The following ARFGEF3 variants were observed in gnomAD, a reference collection of about 807,000 sequenced individuals.
The protein encoded by ARFGEF3 is ARFGEF family member 3.
ARFGEF3 carries 96 observed loss-of-function variants against 221.7 expected under a neutral mutation model. That is an observed-to-expected ratio of 0.43 (90% confidence interval 0.37 to 0.51). ARFGEF3 has a LOEUF of 0.51. Ranked by LOEUF, ARFGEF3 falls within the 20% of genes least tolerant of loss-of-function variation. The probability of loss-of-function intolerance (pLI) is 0.00; values close to 1 mark genes in which losing one functional copy is unlikely to be tolerated. For synonymous variants in ARFGEF3, 1,145 were observed against 1,126.8 expected (o/e 1.02, Z -0.32); for missense variants, 2,410 against 2,789.9 (o/e 0.86, Z 3.07).
At chr6:138,303,860 CAAA>C (rs140349507) in intron 22 of ARFGEF3, among the ~76,000 whole-genome samples, 1,705 of 20,528 alleles carry the variant, frequency 0.083, 41 homozygotes, top group African/African-American at 0.24. Context: ...GACTCCGTCT[CAAA>C]AAAAAAAAAA....
At chr6:138,222,037 G>A (rs996050252) in intron 4 of ARFGEF3, among the ~76,000 whole-genome samples, 2 of 152,166 alleles carry the variant, frequency 1.3e-5, no homozygotes, top group Non-Finnish European at 2.9e-5. Context: ...GCTACTTGTT[G>A]TGACCTCTAA....
rs573406869 is a variant in ARFGEF3 at position 138,165,255 on chromosome 6, C to T, written c.85+3084C>T. On this transcript the variant is annotated intron_variant, in intron 1 of 33. Coordinates refer to ENST00000251691, the MANE Select transcript of ARFGEF3 (RefSeq NM_020340.5). ...CCTCATGGGAGAGAGGGGATATCCC[C>T]CTCTGAGACCCTCATGGGAGAGAGA... 2.6e-5 allele frequency among the ~76,000 whole-genome samples: 4 copies of T among 151,696 alleles called. No homozygotes were observed. The East Asian group carries it at 7.8e-4, about 30-fold the overall frequency.
At chr6:138,217,796 G>T in intron 4 of ARFGEF3, 2 of 797,992 alleles carry the variant, frequency 2.5e-6, no homozygotes, top group Non-Finnish European at 3.6e-6. Flanking sequence ...ATGAGTTCAA[G>T]ATTGAGAAAG....
chr6:138,287,230 A>AC, intron 17 of ARFGEF3, 46 bp downstream of exon 17: 27 of 1,396,162 alleles, frequency 1.9e-5, no homozygotes, highest in Non-Finnish European at 2.5e-5. Context: ...TGGGTGCAGT[A>AC]TGCACACACC....
intron 6 of ARFGEF3, 57 bp downstream of exon 6, chr6:138,238,688 T>A: frequency 6.3e-7 from 1 of 1,581,558 alleles, no homozygotes; most frequent in Non-Finnish European, 8.6e-7. Context: ...GTGTATCCCA[T>A]GCCCCGGGGC....
At chr6:138,333,598 A>C (rs1023061484) in intron 32 of ARFGEF3, among the ~76,000 whole-genome samples, 1 of 152,054 alleles carries the variant, frequency 6.6e-6, no homozygotes, top group Non-Finnish European at 1.5e-5. Flanking sequence ...GCCCGCCACC[A>C]TGCCCGGCTA....
chr6:138,339,374 TTCTC>T lies in ARFGEF3; in HGVS notation c.*2891_*2894del, dbSNP rs1338197401. ...CCCAGTCTCTGAAAGTGTCAGGTGT[TTCTC>T]TCCTCACAGTCTCTTTTGCAGCAAC... On this transcript the variant is annotated 3_prime_UTR_variant, in exon 34 of 34. Transcript: ENST00000251691. 2 of 152,284 alleles carry T rather than the reference TTCTC, an allele frequency of 1.3e-5. No homozygotes were observed. Among genetic ancestry groups the T allele is most frequent in the Non-Finnish European group, 2.9e-5 (2 of 68,088 alleles). The allele number at this position is 152,284 out of a possible 1,614,324, so 9.4% of individuals were successfully genotyped here. A position where few individuals can be genotyped will look rare whatever the true frequency, so the allele number is the denominator to read the frequency against.
chr6:138,197,230 A>G (rs1777445424), intron 2 of ARFGEF3, among the ~76,000 whole-genome samples: 1 of 152,202 alleles, frequency 6.6e-6, no homozygotes, highest in Non-Finnish European at 1.5e-5. Flanking sequence ...CATCAATGTC[A>G]CTGTCTTCCA....
At chr6:138,307,009 C>T (rs1025568723) in intron 22 of ARFGEF3, among the ~76,000 whole-genome samples, 1 of 121,034 alleles carries the variant, frequency 8.3e-6, no homozygotes, top group Non-Finnish European at 1.8e-5. Flanking sequence ...TTTTTAAAAA[C>T]AACAAAATAT....
At chr6:138,308,988 G>A in intron 24 of ARFGEF3, 127 bp downstream of exon 24, 1 of 1,154,496 alleles carries the variant, frequency 8.7e-7, no homozygotes, top group Non-Finnish European at 1.2e-6. Flanking sequence ...AGCAGATGGT[G>A]GTGTTGTGTA....
intron 2 of ARFGEF3, among the ~76,000 whole-genome samples, chr6:138,182,921 A>G (rs1777106946): frequency 1.3e-5 from 2 of 152,240 alleles, no homozygotes; most frequent in Non-Finnish European, 2.9e-5. Context: ...AATGAACTCC[A>G]GAGAGAATTG....
chr6:138,310,133 A>C (rs554040815), intron 24 of ARFGEF3, among the ~76,000 whole-genome samples: 1 of 152,192 alleles, frequency 6.6e-6, no homozygotes, highest in Non-Finnish European at 1.5e-5. Context: ...TTGTATAGTC[A>C]TGGTGCCTGT....
Position 138,317,293 on chromosome 6 carries a change from C to A in ARFGEF3, c.4388C>A (p.Ala1463Glu). ...VWIILLEQLT[A>E]AVSNCPRQHQ... ...ATAATCCTGCTGGAGCAGCTGACAGCGGCTGTGTCCAATTGTCCACGGCAG... is the reference window on the plus strand; with the variant it reads ...ATAATCCTGCTGGAGCAGCTGACAGAGGCTGTGTCCAATTGTCCACGGCAG... Residue 1463 changes from alanine (A) to glutamate (E), a missense_variant, in exon 27 of 34, where the codon GCG (alanine) becomes GAG (glutamate). Around this residue, in one of 5 missense-constraint regions of ARFGEF3, gnomAD observed 723 missense variants for 991.9 expected, o/e 0.73. Coordinates refer to ENST00000251691, the MANE Select transcript of ARFGEF3 (RefSeq NM_020340.5). 6.2e-7 allele frequency: 1 copy of A among 1,613,884 alleles called. No homozygotes were observed. The highest frequency in any genetic ancestry group is 1.1e-5 in the South Asian group (1 of 91,056).
intron 31 of ARFGEF3, among the ~76,000 whole-genome samples, chr6:138,326,697 T>C (rs1019865144): frequency 1.3e-5 from 2 of 152,136 alleles, no homozygotes; most frequent in Admixed American, 6.5e-5. Context: ...TGGAAGACAG[T>C]GTGGTGATTC....
chr6:138,315,390 T>C (rs1308157138), intron 26 of ARFGEF3, among the ~76,000 whole-genome samples: 5 of 152,284 alleles, frequency 3.3e-5, no homozygotes, highest in Admixed American at 6.5e-5. Context: ...CATCTAGAAT[T>C]GGATATCATA....
chr6:138,176,895 C>A (rs867905059), intron 2 of ARFGEF3, among the ~76,000 whole-genome samples: 6 of 151,676 alleles, frequency 4.0e-5, no homozygotes, highest in Non-Finnish European at 8.8e-5. Flanking sequence ...AATTCTTGGT[C>A]GACATTTTCT....
intron 5 of ARFGEF3, among the ~76,000 whole-genome samples, chr6:138,231,290 G>A (rs1028302908): frequency 2.0e-5 from 3 of 152,250 alleles, no homozygotes; most frequent in Non-Finnish European, 2.9e-5. Context: ...AAACACTGTG[G>A]CCTCTTCCAA....
chr6:138,297,669 A>T (rs1035368928), intron 21 of ARFGEF3, among the ~76,000 whole-genome samples: 1 of 152,232 alleles, frequency 6.6e-6, no homozygotes, highest in African/African-American at 2.4e-5. Flanking sequence ...ATAGCAATGT[A>T]GTCATGGGGA....
chr6:138,179,293 C>CAGCA (rs1777016685), intron 2 of ARFGEF3, among the ~76,000 whole-genome samples: 1 of 152,204 alleles, frequency 6.6e-6, no homozygotes, highest in Non-Finnish European at 1.5e-5. Context: ...CAGCCATTGG[C>CAGCA]AGCAAACCTC....
Sources: allele counts gnomAD v4.1 joint callset (sites outside exome capture counted in the v4.1 genomes callset), GRCh38; gene constraint gnomAD v4.1.1; regional missense constraint gnomAD v4.1.1; transcripts MANE v1.5; gene names NCBI Gene and HGNC (gene_info 2026-07-23, HGNC 2026-07-21).